Variants in NDST2 observed in about 807,000 individuals in gnomAD.
NDST2 encodes bifunctional heparan sulfate N-deacetylase/N-sulfotransferase 2.
In NDST2, 32 loss-of-function variants were observed where a neutral mutation model predicts 86.9. That is an observed-to-expected ratio of 0.37 (90% CI 0.28 to 0.49). The LOEUF is 0.49. Ranked by LOEUF, NDST2 falls within the 20% of genes least tolerant of loss-of-function variation. The pLI, the probability that NDST2 is intolerant of heterozygous loss-of-function variation, is 0.97. For synonymous variants in NDST2, 409 were observed against 437.0 expected, an observed-to-expected ratio of 0.94 and a Z score of 0.80; for missense variants, 950 against 1,146.9, an observed-to-expected ratio of 0.83 and a Z score of 2.48.
intron 9 of NDST2, 180 bp from the exon 10 acceptor site, chr10:73,804,196 C>T (rs1434743379): frequency 3.3e-6 from 2 of 608,442 alleles, no homozygotes; most frequent in Non-Finnish European, 5.7e-6. Flanking sequence ...AACAGTGGTT[C>T]TCTGCTTTAA....
At chr10:73,811,040 C>A in intron 1 of NDST2, 137 bp from the exon 2 acceptor site, 1 of 390,988 alleles carries the variant, frequency 2.6e-6, no homozygotes, top group Non-Finnish European at 4.5e-6. Flanking sequence ...CAGACGGGGG[C>A]CGGGGCCGGG....
In NDST2 at chr10:73,807,970, T is replaced by C; in HGVS notation, c.419A>G (p.Tyr140Cys). The change falls in exon 3 of 15, where the codon TAT becomes TGT. Residue 140 changes from tyrosine to cysteine, a missense_variant. By Grantham distance (194) the Tyr-to-Cys change is radical (BLOSUM62 -2). Around this residue, in one of 5 missense-constraint regions of NDST2, gnomAD observed 586 missense variants for 714.0 expected, o/e 0.82. Transcript: ENST00000309979. ...NTHGRYVLVI[Y>C]ENLLKYVNLD... Reference sequence around the variant, plus strand: ...GTTGACATACTTGAGCAGGTTCTCATAAATGACCAAGACATAGCGGCCATG... The same window carrying C: ...GTTGACATACTTGAGCAGGTTCTCACAAATGACCAAGACATAGCGGCCATG... 2 of 1,614,224 alleles carry C rather than the reference T, an allele frequency of 1.2e-6. No individual in the cohort carries two copies. Among genetic ancestry groups the C allele is most frequent in the Non-Finnish European group, 1.7e-6 (2 of 1,180,042 alleles).
rs868341014 is a variant in NDST2, at chr10:73,806,378, C to A, written c.1345G>T (p.Val449Leu). 6.2e-7 allele frequency: 1 copy of A among 1,613,972 alleles called. No homozygotes were observed. Among genetic ancestry groups the A allele is most frequent in the Non-Finnish European group, 8.5e-7 (1 of 1,180,004 alleles). ...HTQLYEAWKS[V>L]WGIQVTSTEE... is the part of the protein sequence containing the mutation. ...GTGCTGGTCACCTGGATGCCCCACACGGATTTCCAGGCCTCATAGAGCTGC... is the reference window on the plus strand; with the variant it reads ...GTGCTGGTCACCTGGATGCCCCACAAGGATTTCCAGGCCTCATAGAGCTGC... Residue 449 changes from valine to leucine, a missense_variant, in exon 6 of 15, where the codon GTG becomes TTG. Around this residue, in one of 5 missense-constraint regions of NDST2, gnomAD observed 586 missense variants for 714.0 expected, o/e 0.82. Transcript: ENST00000309979. This position sits in a 1 kb window ranked among gnomAD's most constrained non-coding sequence, Gnocchi z 4.5.
chr10:73,808,435 G>A lies in NDST2; in HGVS notation c.-47C>T. 1 of 1,517,978 alleles carries A rather than the reference G, an allele frequency of 6.6e-7. No homozygotes were observed. The highest frequency in any genetic ancestry group is 2.4e-5 in the East Asian group (1 of 41,802). 94.0% of individuals were successfully genotyped at this position (1,517,978 alleles called of 1,614,324 possible). ...AGGAATGGGGACCACCTCAGGGGAT[G>A]GGAGGTAGGAGTTCTATAGGCTAGG... On this transcript the variant is annotated 5_prime_UTR_variant, in exon 3 of 15. Transcript: ENST00000309979. This position sits in a 1 kb window ranked among gnomAD's most constrained non-coding sequence, Gnocchi z 4.3.
chr10:73,806,743 G>A lies in NDST2; in HGVS notation c.1162C>T (p.His388Tyr), dbSNP rs773535753. ...KHRKEFWWFP[H>Y]MWSHMQPHLF... ...TGTGGCTGCATGTGGCTCCACATGT[G>A]GGGGAACCACCAGAACTCTTTGCGG... Residue 388 changes from histidine (H) to tyrosine (Y), a missense_variant, in exon 5 of 15, where the codon CAC becomes TAC. Around this residue, in one of 5 missense-constraint regions of NDST2, gnomAD observed 586 missense variants for 714.0 expected, o/e 0.82. Coordinates refer to ENST00000309979, the MANE Select transcript of NDST2 (RefSeq NM_003635.4). The surrounding 1 kb of genome is among the most constrained non-coding windows in gnomAD (Gnocchi z 4.5). 6.2e-7 allele frequency: 1 copy of A among 1,614,076 alleles called. No individual in the cohort carries two copies. Among genetic ancestry groups the A allele is most frequent in the Admixed American group, 1.7e-5 (1 of 60,020 alleles).
chr10:73,807,624 T>C lies in NDST2; in HGVS notation c.765A>G (p.Pro255=). Residue 255 remains proline (P), a synonymous_variant, in exon 3 of 15, where the codon CCA becomes CCG. Transcript: ENST00000309979. ...LRPAEPAVPG[P]VLRRARLPTV... ...TGGGAAGCCGGGCCCGACGAAGAAC[T>C]GGTCCTGGCACTGCGGGCTCAGCTG... The C allele has an allele frequency of 6.2e-7, 1 of 1,614,206 alleles. No individual in the cohort carries two copies. The highest frequency in any genetic ancestry group is 8.5e-7 in the Non-Finnish European group (1 of 1,180,044).
At chr10:73,809,232 A>G (rs765463455) in intron 2 of NDST2, among the ~76,000 whole-genome samples, 2 of 152,200 alleles carry the variant, frequency 1.3e-5, no homozygotes, top group Admixed American at 6.5e-5. Flanking sequence ...ATCAAACCCA[A>G]TATCACAGCC....
rs1304590051 is a variant in NDST2, at chr10:73,808,539, G to A, written c.-151C>T. ...GGAGTTTCCTTTACGAGGTGGAGACGAGTCCCCTTAGCATAGGGTAGGGGA... is the reference window on the plus strand; with the variant it reads ...GGAGTTTCCTTTACGAGGTGGAGACAAGTCCCCTTAGCATAGGGTAGGGGA... On this transcript the variant is annotated 5_prime_UTR_variant, in exon 3 of 15. Coordinates refer to ENST00000309979, the MANE Select transcript of NDST2 (RefSeq NM_003635.4). This position sits in a 1 kb window ranked among gnomAD's most constrained non-coding sequence, Gnocchi z 4.3. The A allele has an allele frequency of 1.4e-6, 1 of 738,428 alleles. No individual in the cohort carries two copies. The highest frequency in any genetic ancestry group is 2.1e-6 in the Non-Finnish European group (1 of 472,282). 45.7% of individuals were successfully genotyped at this position (738,428 alleles called of 1,614,324 possible). A position where few individuals can be genotyped will look rare whatever the true frequency, so the allele number is the denominator to read the frequency against.
At chr10:73,805,413 C>T (rs1288732596) in intron 8 of NDST2, among the ~76,000 whole-genome samples, 174 bp downstream of exon 8, 4 of 152,020 alleles carry the variant, frequency 2.6e-5, no homozygotes, top group Non-Finnish European at 5.9e-5. Context: ...ACTAGGGAGG[C>T]TGAGGCAGGA....
Position 73,807,113 on chromosome 10 carries a change from T to A in NDST2, c.1088A>T (p.His363Leu). 1 of 1,613,502 alleles carries A rather than the reference T, an allele frequency of 6.2e-7. No homozygotes were observed. Among genetic ancestry groups the A allele is most frequent in the Non-Finnish European group, 8.5e-7 (1 of 1,179,678 alleles). ...FNLGFSGKFY[H>L]TGTEEEDAGD... ...GAGTAGGGGTATAAGCTCACCAGTA[T>A]GATAGAACTTGCCCGAGAAGCCCAA... Residue 363 changes from histidine (H) to leucine (L), a missense_variant, in exon 4 of 15, where the codon CAT becomes CTT. This residue lies in a region of NDST2 where 586 missense variants were observed against 714.0 expected (regional missense o/e 0.82). Transcript: ENST00000309979.
chr10:73,806,586 G>C lies in NDST2; in HGVS notation c.1248+71C>G. ...AAACGCAAAGGATAGGAAAAGGGTA[G>C]CCCATTAGGGGAAGGTAGAAAAGGA... On this transcript the variant is annotated intron_variant, in intron 5 of 14. Transcript: ENST00000309979. This position sits in a 1 kb window ranked among gnomAD's most constrained non-coding sequence, Gnocchi z 4.5. 1 of 1,586,778 alleles carries C rather than the reference G, an allele frequency of 6.3e-7. No individual in the cohort carries two copies. The highest frequency in any genetic ancestry group is 8.6e-7 in the Non-Finnish European group (1 of 1,160,268).
chr10:73,802,138 G>A lies in NDST2; in HGVS notation c.*313C>T, dbSNP rs930687345. On this transcript the variant is annotated 3_prime_UTR_variant, in exon 15 of 15. Coordinates refer to ENST00000309979, the MANE Select transcript of NDST2 (RefSeq NM_003635.4). ...AGGTATAGAATAGATACACTGCTGC[G>A]GATGAAGAGGGAAATCTCATTGGAC... 6.6e-6 allele frequency: 3 copies of A among 456,154 alleles called. No homozygotes were observed. The highest frequency in any genetic ancestry group is 2.4e-5 in the South Asian group (1 of 41,128). 28.3% of individuals were successfully genotyped at this position (456,154 alleles called of 1,614,324 possible). A position where few individuals can be genotyped will look rare whatever the true frequency, so the allele number is the denominator to read the frequency against.
chr10:73,806,157 T>A lies in NDST2; in HGVS notation c.1435-129A>T, dbSNP rs185768408. 6.0e-5 allele frequency: 92 copies of A among 1,533,730 alleles called. No individual in the cohort carries two copies. The East Asian group carries it at 1.5e-3, about 25-fold the overall frequency. On this transcript the variant is annotated intron_variant, in intron 6 of 14. Transcript: ENST00000309979. The surrounding 1 kb of genome is among the most constrained non-coding windows in gnomAD (Gnocchi z 4.5). ...AGCTCTTACTGAGGGTGTTAAAATT[T>A]TTTCACCTTTCTACCCCCAATTATG...
intron 2 of NDST2, chr10:73,810,564 G>T: frequency 2.8e-6 from 1 of 359,798 alleles, no homozygotes; most frequent in East Asian, 4.1e-5. Context: ...GACGGGAAGG[G>T]GTGAATGCTA....
At chr10:73,810,457 C>G (rs561019954) in intron 2 of NDST2, among the ~76,000 whole-genome samples, 2 of 146,392 alleles carry the variant, frequency 1.4e-5, no homozygotes, top group African/African-American at 5.1e-5. Flanking sequence ...GACTCCAGCT[C>G]AAAAAAAAAT....
Position 73,805,887 on chromosome 10 carries a change from C to T in NDST2, c.1563+13G>A, listed in dbSNP as rs372144776. 19 of 1,614,090 alleles carry T rather than the reference C, an allele frequency of 1.2e-5. No homozygotes were observed. The African/African-American group carries it at 2.3e-4, about 19-fold the overall frequency. On this transcript the variant is annotated intron_variant, in intron 7 of 14. Coordinates refer to ENST00000309979, the MANE Select transcript of NDST2 (RefSeq NM_003635.4). ...GCTCTCCAATCTTCTAGCCGTTCCT[C>T]TCAGCACCTTACCGGATTAAGCAGC...
rs371458559 is a variant in NDST2 at position 73,805,606 on chromosome 10, T to G, written c.1727A>C (p.Glu576Ala). The G allele has an allele frequency of 1.2e-6, 2 of 1,614,068 alleles. No homozygotes were observed. Among genetic ancestry groups the G allele is most frequent in the Non-Finnish European group, 8.5e-7 (1 of 1,180,020 alleles). ...CTTTACCTGCCAAAGGGGGCTTCGC[T>G]CCTGAGGGAAAAGTTCAAAGTACTT... ...AQKYFELFPQERSPLWQNPCD... is the reference protein window; with the variant it reads ...AQKYFELFPQARSPLWQNPCD... Residue 576 changes from glutamate (E) to alanine (A), a missense_variant, in exon 8 of 15, where the codon GAG (glutamate) becomes GCG (alanine). Around this residue, in one of 5 missense-constraint regions of NDST2, gnomAD observed 586 missense variants for 714.0 expected, o/e 0.82. Coordinates refer to ENST00000309979, the MANE Select transcript of NDST2 (RefSeq NM_003635.4).
At position 73,803,624 on chromosome 10, in the gene NDST2, T is replaced by C; in HGVS notation, c.2092A>G (p.Ile698Val). Reference sequence around the variant, plus strand: ...GCAGGGTTGGTGAGCACTGTGATGATCTTGGCTCGTGGCAGGAGGGCAGCC... The same window carrying C: ...GCAGGGTTGGTGAGCACTGTGATGACCTTGGCTCGTGGCAGGAGGGCAGCC... ...RGAALLPRAKIITVLTNPADR... is the reference protein window; with the variant it reads ...RGAALLPRAKVITVLTNPADR... Residue 698 changes from isoleucine to valine, a missense_variant, in exon 11 of 15, where the codon ATC (isoleucine) becomes GTC (valine). Physicochemically the swap from Ile to Val is conservative, Grantham distance 29. Coordinates refer to ENST00000309979, the MANE Select transcript of NDST2 (RefSeq NM_003635.4). 6.2e-7 allele frequency: 1 copy of C among 1,610,956 alleles called. No individual in the cohort carries two copies. Among genetic ancestry groups the C allele is most frequent in the Non-Finnish European group, 8.5e-7 (1 of 1,178,892 alleles).
chr10:73,809,352 T>A (rs2084159300), intron 2 of NDST2, among the ~76,000 whole-genome samples: 1 of 152,152 alleles, frequency 6.6e-6, no homozygotes, highest in Non-Finnish European at 1.5e-5. Context: ...AACCCAGAAA[T>A]TAGGGACTCC....
Sources: gnomAD v4.1 joint callset for allele counts (sites outside exome capture counted in the v4.1 genomes callset) on GRCh38, gnomAD v4.1.1 for gene constraint, gnomAD v4.1.1 regional missense constraint, Gnocchi (gnomAD v3.1) non-coding constraint, MANE v1.5 for transcripts, NCBI Gene and HGNC (gene_info 2026-07-23, HGNC 2026-07-21) for gene names.